The following ANO2 variants were observed in gnomAD, a reference collection of about 807,000 sequenced individuals.
ANO2 encodes the protein anoctamin 2, also known as anoctamin-2.
In ANO2, 101 loss-of-function variants were observed where a neutral mutation model predicts 124.2. That is an observed-to-expected ratio of 0.81 (90% CI 0.69 to 0.96). ANO2 has a LOEUF of 0.96. Ranked by LOEUF, ANO2 falls within the 40% of genes least tolerant of loss-of-function variation. The pLI, the probability that ANO2 is intolerant of heterozygous loss-of-function variation, is 0.00. For missense variants in ANO2, 1,293 were observed against 1,274.5 expected (o/e 1.01, Z -0.22); for synonymous variants, 486 against 482.5 (o/e 1.01, Z -0.09).
intron 16 of ANO2, among the ~76,000 whole-genome samples, chr12:5,623,138 C>A (rs537234708): frequency 6.6e-6 from 1 of 152,018 alleles, no homozygotes; most frequent in African/African-American, 2.4e-5. Flanking sequence ...CTGGAGGGGT[C>A]TGAATCTCAA....
chr12:5,882,725 G>A (rs983055413), intron 3 of ANO2, among the ~76,000 whole-genome samples: 1 of 152,176 alleles, frequency 6.6e-6, no homozygotes, highest in Non-Finnish European at 1.5e-5. Flanking sequence ...CAGCCAAGTC[G>A]CCCACATCCC....
intron 3 of ANO2, among the ~76,000 whole-genome samples, chr12:5,876,052 G>A (rs927585201): frequency 2.0e-5 from 3 of 152,154 alleles, no homozygotes; most frequent in Non-Finnish European, 2.9e-5. Context: ...AGACTTAGTC[G>A]CTGTGGTGCC....
At position 5,925,550 on chromosome 12, in the gene ANO2, G is replaced by A. The variant is rs1169000024; in HGVS notation, c.23-2746C>T. On this transcript the variant is annotated intron_variant, in intron 1 of 24. Transcript: ENST00000682330. The surrounding 1 kb of genome is among the most constrained non-coding windows in gnomAD (Gnocchi z 4.6). ...GTGAGAGGAAGGCCAAGGGGAACGC[G>A]AGTGACGCCTGCCCTCAGGAAGGGG... Among the ~76,000 whole-genome samples, 3 of 152,314 alleles carry A rather than the reference G, an allele frequency of 2.0e-5. 1 individual carries two copies. The South Asian group carries it at 6.2e-4, about 32-fold the overall frequency.
At chr12:5,733,704 A>G (rs1950739890) in intron 13 of ANO2, among the ~76,000 whole-genome samples, 1 of 152,160 alleles carries the variant, frequency 6.6e-6, no homozygotes, top group Non-Finnish European at 1.5e-5. Context: ...AGCATAACTA[A>G]AACAACTGCA....
At chr12:5,894,434 T>C (rs958124191) in intron 3 of ANO2, among the ~76,000 whole-genome samples, 10 of 152,226 alleles carry the variant, frequency 6.6e-5, no homozygotes, top group African/African-American at 2.4e-4. Flanking sequence ...TCCCATTCTG[T>C]AGGTTGCCTG....
intron 14 of ANO2, among the ~76,000 whole-genome samples, chr12:5,694,251 C>CAGAGAGACAGAG (rs1555137022): frequency 7.5e-6 from 1 of 133,882 alleles, no homozygotes; most frequent in Non-Finnish European, 1.5e-5. Context: ...TTACCAGAGA[C>CAGAGAGACAGAG]AGAGAGAGAG....
intron 19 of ANO2, among the ~76,000 whole-genome samples, chr12:5,602,296 G>C (rs191708210): frequency 1.2e-3 from 187 of 152,064 alleles, no homozygotes; most frequent in Admixed American, 2.3e-3. Context: ...CATAGCCCAG[G>C]ATGGGGTGCA....
intron 14 of ANO2, among the ~76,000 whole-genome samples, chr12:5,704,629 G>C (rs1949533979): frequency 6.6e-6 from 1 of 151,910 alleles, no homozygotes; most frequent in South Asian, 2.1e-4. Flanking sequence ...AAGGCATTTG[G>C]ACCTGATTCT....
chr12:5,870,922 A>G (rs1272381016), intron 3 of ANO2, among the ~76,000 whole-genome samples: 3 of 152,282 alleles, frequency 2.0e-5, no homozygotes, highest in Non-Finnish European at 4.4e-5. Context: ...GATAGTTTAT[A>G]TTCAATAGCA....
chr12:5,728,663 C>T (rs1191065781), intron 14 of ANO2, among the ~76,000 whole-genome samples: 1 of 151,988 alleles, frequency 6.6e-6, no homozygotes, highest in Non-Finnish European at 1.5e-5. Flanking sequence ...TATGGAAATG[C>T]AAAACACCCA....
rs191310865 is a variant in ANO2 at position 5,769,009 on chromosome 12, C to A, written c.1056-18039G>T. On this transcript the variant is annotated intron_variant, in intron 10 of 24. Transcript: ENST00000682330. The surrounding 1 kb of genome is among the most constrained non-coding windows in gnomAD (Gnocchi z 4.0). ...AACAAGAGGGCTGGGCTCGGGATGG[C>A]AGCGCTGTGGAAGCTGGGCTTAGCT... Among the ~76,000 whole-genome samples, 350 of 152,268 alleles carry A rather than the reference C, an allele frequency of 2.3e-3. 1 individual carries two copies. The highest frequency in any genetic ancestry group is 8.3e-3 in the African/African-American group (343 of 41,548).
intron 15 of ANO2, among the ~76,000 whole-genome samples, chr12:5,639,769 G>C (rs76747598): frequency 0.022 from 3,305 of 152,250 alleles, 131 homozygotes; most frequent in African/African-American, 0.073. Flanking sequence ...CCATCAGAGA[G>C]TTCTGAGCAG....
intron 7 of ANO2, among the ~76,000 whole-genome samples, chr12:5,821,873 T>C (rs372126465): frequency 1.8e-4 from 27 of 152,272 alleles, no homozygotes; most frequent in African/African-American, 6.0e-4. Flanking sequence ...CACAAGTAAG[T>C]TACATGAGAA....
At chr12:5,565,768 G>GCCCTTGGCACGCAT in intron 23 of ANO2, 105 bp from the exon 24 acceptor site, 1 of 879,468 alleles carries the variant, frequency 1.1e-6, no homozygotes, top group South Asian at 1.8e-5. Context: ...AGGCACGCAT[G>GCCCTTGGCACGCAT]CCCTTGGCAT....
intron 3 of ANO2, among the ~76,000 whole-genome samples, chr12:5,902,126 ATAGTG>A (rs1565762843): frequency 2.0e-5 from 3 of 152,226 alleles, no homozygotes; most frequent in Non-Finnish European, 4.4e-5. Flanking sequence ...CCACTACAGC[ATAGTG>A]AGAAAGCTAC....
At chr12:5,818,125 G>A (rs531688047) in intron 7 of ANO2, among the ~76,000 whole-genome samples, 24 of 151,164 alleles carry the variant, frequency 1.6e-4, no homozygotes, top group Admixed American at 6.6e-5. Flanking sequence ...TGATTGGATC[G>A]CAGGATGCAA....
intron 10 of ANO2, among the ~76,000 whole-genome samples, chr12:5,788,627 C>T (rs1952609039): frequency 3.9e-5 from 6 of 152,150 alleles, no homozygotes; most frequent in Admixed American, 3.9e-4. Context: ...GGTGCGATCT[C>T]GGCTCACTGC....
intron 16 of ANO2, among the ~76,000 whole-genome samples, chr12:5,624,467 C>T (rs895404363): frequency 6.6e-6 from 1 of 152,104 alleles, no homozygotes; most frequent in South Asian, 2.1e-4. Context: ...ATCACAGACA[C>T]CCCCAACACC....
At chr12:5,836,043 T>C (rs1391724107) in intron 4 of ANO2, among the ~76,000 whole-genome samples, 1 of 146,426 alleles carries the variant, frequency 6.8e-6, no homozygotes, top group Non-Finnish European at 1.5e-5. Flanking sequence ...GACTCTGTCC[T>C]CCAGATGCCT....
Sources: allele counts gnomAD v4.1 joint callset (sites outside exome capture counted in the v4.1 genomes callset), GRCh38; gene constraint gnomAD v4.1.1; non-coding constraint Gnocchi (gnomAD v3.1); transcripts MANE v1.5; gene names NCBI Gene and HGNC (gene_info 2026-07-23, HGNC 2026-07-21).